The following NRXN1 variants were observed in gnomAD, a reference collection of about 807,000 sequenced individuals.
NRXN1 encodes neurexin 1, also known as neurexin-1.
In NRXN1, 39 loss-of-function variants were observed where a neutral mutation model predicts 150.9. The observed-to-expected ratio is 0.26, with a 90% CI of 0.20 to 0.34. The LOEUF is 0.34. Among genes scored for constraint, NRXN1 ranks in the 10% least tolerant of loss-of-function variants. The pLI, the probability that NRXN1 is intolerant of heterozygous loss-of-function variation, is 1.00. For synonymous variants in NRXN1, 924 were observed against 757.0 expected, an observed-to-expected ratio of 1.22 and a Z score of -3.62; for missense variants, 1,815 against 1,949.9, an observed-to-expected ratio of 0.93 and a Z score of 1.30.
At chr2:50,020,470 G>A (rs1479928866) in intron 21 of NRXN1, among the ~76,000 whole-genome samples, 5 of 152,154 alleles carry the variant, frequency 3.3e-5, no homozygotes, top group African/African-American at 1.2e-4. Flanking sequence ...ATACCTACCT[G>A]AAATTTTGCC....
At chr2:50,309,998 G>C (rs1034092816) in intron 17 of NRXN1, among the ~76,000 whole-genome samples, 1 of 152,148 alleles carries the variant, frequency 6.6e-6, no homozygotes, top group Non-Finnish European at 1.5e-5. Flanking sequence ...ATAAAAGAAA[G>C]CTTGCTATGT....
At chr2:51,024,474 T>C (rs939172361) in intron 2 of NRXN1, among the ~76,000 whole-genome samples, 5 of 152,046 alleles carry the variant, frequency 3.3e-5, no homozygotes, top group African/African-American at 9.7e-5. Flanking sequence ...TAAAAGTGTT[T>C]ATGCTCTTAC....
chr2:50,520,383 A>G lies in NRXN1; in HGVS notation c.2374+8242T>C, dbSNP rs188843242. Among the ~76,000 whole-genome samples the G allele has an allele frequency of 2.0e-3, 306 of 152,012 alleles. 5 individuals are homozygous for G. The highest frequency in any genetic ancestry group is 4.3e-4 in the Non-Finnish European group (29 of 67,830). Reference sequence around the variant, plus strand: ...AATATTGGTGGGATTGGTTTAAATTATATTTTACTTTTACCCACTTTTGAT... The same window carrying G: ...AATATTGGTGGGATTGGTTTAAATTGTATTTTACTTTTACCCACTTTTGAT... On this transcript the variant is annotated intron_variant, in intron 12 of 22. Coordinates refer to ENST00000401669, the MANE Select transcript of NRXN1 (RefSeq NM_001330078.2).
At chr2:50,749,998 C>T (rs1347519616) in intron 5 of NRXN1, among the ~76,000 whole-genome samples, 1 of 151,990 alleles carries the variant, frequency 6.6e-6, no homozygotes, top group Non-Finnish European at 1.5e-5. Flanking sequence ...AAGATTGTAT[C>T]CTAACATCGC....
intron 2 of NRXN1, among the ~76,000 whole-genome samples, chr2:50,989,238 T>A (rs143054228): frequency 2.7e-3 from 413 of 152,144 alleles, no homozygotes; most frequent in African/African-American, 9.6e-3. Flanking sequence ...GCAGATTTTG[T>A]TCTTATATAA....
intron 2 of NRXN1, among the ~76,000 whole-genome samples, chr2:50,967,664 G>C (rs1452391401): frequency 6.6e-6 from 1 of 151,936 alleles, no homozygotes. Flanking sequence ...GGAAGAGAGG[G>C]CAAAAGGCTG....
intron 17 of NRXN1, among the ~76,000 whole-genome samples, chr2:50,354,515 G>GT (rs2078644867): frequency 7.1e-6 from 1 of 140,632 alleles, no homozygotes; most frequent in Non-Finnish European, 1.5e-5. Flanking sequence ...ATATGTGTGT[G>GT]TATCTATATA....
intron 17 of NRXN1, among the ~76,000 whole-genome samples, chr2:50,362,435 C>T (rs1209228361): frequency 1.3e-5 from 2 of 152,104 alleles, no homozygotes; most frequent in African/African-American, 4.8e-5. Context: ...AAATCACAAG[C>T]TTTCCTATAT....
At chr2:50,167,266 T>C (rs2059746018) in intron 18 of NRXN1, among the ~76,000 whole-genome samples, 2 of 152,154 alleles carry the variant, frequency 1.3e-5, no homozygotes, top group South Asian at 4.1e-4. Context: ...AAAATAGAAT[T>C]CCTTTTATTT....
chr2:50,432,578 T>C (rs2085062957), intron 17 of NRXN1, among the ~76,000 whole-genome samples: 1 of 152,206 alleles, frequency 6.6e-6, no homozygotes, highest in Admixed American at 6.5e-5. Context: ...TTGCTCATTG[T>C]TCCTCTTCTT....
At chr2:50,445,275 G>C (rs1474890918) in intron 17 of NRXN1, among the ~76,000 whole-genome samples, 1 of 152,116 alleles carries the variant, frequency 6.6e-6, no homozygotes, top group African/African-American at 2.4e-5. Flanking sequence ...CAAAATCCTG[G>C]AACAGTTGTA....
chr2:50,872,239 G>C (rs887063131), intron 5 of NRXN1, among the ~76,000 whole-genome samples: 2 of 151,822 alleles, frequency 1.3e-5, no homozygotes. Flanking sequence ...TTTTGTGGGA[G>C]AGAGAGATGT....
chr2:50,129,403 ATATGTT>A (rs1705130207), intron 18 of NRXN1, among the ~76,000 whole-genome samples: 1 of 152,218 alleles, frequency 6.6e-6, no homozygotes, highest in Non-Finnish European at 1.5e-5. Context: ...TTCCACTGAA[ATATGTT>A]TAAAAGCATA....
intron 21 of NRXN1, among the ~76,000 whole-genome samples, chr2:49,997,040 AG>A (rs1260655161): frequency 1.3e-5 from 2 of 152,188 alleles, no homozygotes; most frequent in African/African-American, 4.8e-5. Flanking sequence ...GTTATAAAGA[AG>A]GTGAAAGTAC....
chr2:50,775,231 T>C (rs1457472918), intron 5 of NRXN1, among the ~76,000 whole-genome samples: 1 of 152,160 alleles, frequency 6.6e-6, no homozygotes, highest in Non-Finnish European at 1.5e-5. Context: ...GCATTCCCAG[T>C]TGAATATGAT....
In NRXN1 at chr2:50,558,908, C is replaced by G. The variant is rs950157541; in HGVS notation, c.1321-5883G>C. Among the ~76,000 whole-genome samples the G allele has an allele frequency of 2.6e-5, 4 of 152,002 alleles. No homozygotes were observed. In the East Asian group the frequency reaches 7.8e-4, roughly 29 times the overall value. ...CCATCCTGGCTAACACGGTGAAACC[C>G]TATCTCTACTAAAAATACAGAAAAT... On this transcript the variant is annotated intron_variant, in intron 8 of 22. Coordinates refer to ENST00000401669, the MANE Select transcript of NRXN1 (RefSeq NM_001330078.2).
At chr2:50,952,453 G>A (rs1463917756) in intron 2 of NRXN1, among the ~76,000 whole-genome samples, 1 of 151,926 alleles carries the variant, frequency 6.6e-6, no homozygotes, top group Non-Finnish European at 1.5e-5. Context: ...TTGGAAAACA[G>A]AATGAATAAT....
chr2:50,244,264 C>T (rs555641264), intron 17 of NRXN1, among the ~76,000 whole-genome samples: 2 of 151,886 alleles, frequency 1.3e-5, no homozygotes, highest in South Asian at 4.2e-4. Context: ...TAAATAGATC[C>T]ATGGCTGACC....
rs1157631290 is a variant in NRXN1, at chr2:50,228,543, A to G, written c.3546+8246T>C. Among the ~76,000 whole-genome samples the G allele has an allele frequency of 3.3e-5, 5 of 152,114 alleles. No individual in the cohort carries two copies. In the East Asian group the frequency reaches 7.8e-4, roughly 24 times the overall value. ...AGAGATGCTGAGTAAGCAGTTGGAAATATTAGTATGGTAGTGACAGAAGTC... is the reference window on the plus strand; with the variant it reads ...AGAGATGCTGAGTAAGCAGTTGGAAGTATTAGTATGGTAGTGACAGAAGTC... On this transcript the variant is annotated intron_variant, in intron 18 of 22. Transcript: ENST00000401669.
Sources: allele counts gnomAD v4.1 joint callset (sites outside exome capture counted in the v4.1 genomes callset), GRCh38; gene constraint gnomAD v4.1.1; transcripts MANE v1.5; gene names NCBI Gene and HGNC (gene_info 2026-07-23, HGNC 2026-07-21).